Variants in CCDC171 observed in about 807,000 individuals in gnomAD.
CCDC171 encodes coiled-coil domain-containing protein 171.
A neutral mutation model predicts 168.2 loss-of-function variants in CCDC171; 177 were observed. That is an observed-to-expected ratio of 1.05 (90% CI 0.93 to 1.19). CCDC171 has a LOEUF of 1.19. Among genes scored for constraint, CCDC171 ranks in the 50% most tolerant of loss-of-function variants. The pLI, the probability that CCDC171 is intolerant of heterozygous loss-of-function variation, is 0.00. For synonymous variants in CCDC171, 687 were observed against 540.8 expected (o/e 1.27, Z -3.75); for missense variants, 1,991 against 1,539.0 (o/e 1.29, Z -4.91).
chr9:15,679,149 A>G (rs1221984541), intron 10 of CCDC171, among the ~76,000 whole-genome samples: 1 of 152,174 alleles, frequency 6.6e-6, no homozygotes, highest in Non-Finnish European at 1.5e-5. Context: ...TCAAAAATGT[A>G]TTCAAATGTT....
intron 21 of CCDC171, among the ~76,000 whole-genome samples, chr9:15,825,712 G>A (rs534156968): frequency 1.1e-4 from 16 of 152,116 alleles, no homozygotes; most frequent in Middle Eastern, 3.4e-3. Context: ...GAAGAAAATT[G>A]GTTAAAATAT....
intron 11 of CCDC171, among the ~76,000 whole-genome samples, chr9:15,716,927 G>A (rs2053127560): frequency 6.6e-6 from 1 of 152,154 alleles, no homozygotes; most frequent in Non-Finnish European, 1.5e-5. Flanking sequence ...TGGAGGCTGA[G>A]CAAGATGGCT....
At chr9:15,979,641 A>C (rs1831731069) in intron 3 of CCDC171, among the ~76,000 whole-genome samples, 2 of 151,832 alleles carry the variant, frequency 1.3e-5, no homozygotes, top group African/African-American at 4.8e-5. Context: ...GATAAATCTC[A>C]CTTGGTCATG....
intron 1 of CCDC171, among the ~76,000 whole-genome samples, chr9:16,059,785 ATTACAGGC>A: frequency 4.0e-5 from 6 of 150,782 alleles, no homozygotes; most frequent in Non-Finnish European, 8.9e-5. Flanking sequence ...AAGTGCTGGG[ATTACAGGC>A]GTGAGCCACC....
At chr9:15,922,937 G>A (rs1435128214) in intron 25 of CCDC171, among the ~76,000 whole-genome samples, 5 of 151,328 alleles carry the variant, frequency 3.3e-5, no homozygotes, top group African/African-American at 1.2e-4. Flanking sequence ...TATTGTTAGA[G>A]GTCCTTACTT....
chr9:16,041,654 A>G (rs1156740772), upstream of CCDC171, among the ~76,000 whole-genome samples: 1 of 152,230 alleles, frequency 6.6e-6, no homozygotes, highest in East Asian at 1.9e-4. Context: ...GATTGGATTA[A>G]TTAAATATGA....
At position 15,965,835 on chromosome 9, in the gene CCDC171, A is replaced by G. The variant is rs906728253; in HGVS notation, c.3754-5774A>G. On this transcript the variant is annotated intron_variant, in intron 25 of 25. Coordinates refer to ENST00000380701, the MANE Select transcript of CCDC171 (RefSeq NM_173550.4). ...TTGTCAAGGATCACATAATTAGTAA[A>G]TGGCAGAATGAAGTTTAGAACCTTA... 3.3e-5 allele frequency among the ~76,000 whole-genome samples: 5 copies of G among 152,352 alleles called. No homozygotes were observed. In the South Asian group the frequency reaches 6.2e-4, roughly 19 times the overall value.
intron 3 of CCDC171, among the ~76,000 whole-genome samples, chr9:15,985,254 A>T (rs1289166840): frequency 6.6e-6 from 1 of 152,114 alleles, no homozygotes; most frequent in Non-Finnish European, 1.5e-5. Context: ...CCAAGTGAAA[A>T]GGTTTTTTTT....
intron 25 of CCDC171, among the ~76,000 whole-genome samples, chr9:15,946,020 C>T (rs983775632): frequency 9.9e-5 from 15 of 151,504 alleles, no homozygotes; most frequent in African/African-American, 2.4e-4. Flanking sequence ...TTAGGTCTAT[C>T]GTTTAAGTCT....
chr9:15,598,106 G>T (rs937906115), intron 6 of CCDC171, among the ~76,000 whole-genome samples: 1 of 152,016 alleles, frequency 6.6e-6, no homozygotes, highest in Non-Finnish European at 1.5e-5. Flanking sequence ...CCACCTCCTG[G>T]ATTCATTGAT....
At chr9:15,796,790 C>A (rs2058577771) in intron 21 of CCDC171, among the ~76,000 whole-genome samples, 2 of 152,126 alleles carry the variant, frequency 1.3e-5, no homozygotes, top group South Asian at 4.1e-4. Flanking sequence ...TGGCAGGGTG[C>A]AAGATGGGCC....
chr9:15,678,144 C>G (rs770280490), intron 9 of CCDC171, among the ~76,000 whole-genome samples: 2 of 151,342 alleles, frequency 1.3e-5, no homozygotes, highest in Non-Finnish European at 1.5e-5. Context: ...CTCCTGACTT[C>G]AAATGATCTT....
At chr9:15,809,731 C>T (rs1040500919) in intron 21 of CCDC171, among the ~76,000 whole-genome samples, 1 of 152,142 alleles carries the variant, frequency 6.6e-6, no homozygotes, top group Admixed American at 6.5e-5. Flanking sequence ...AAAGGCAGTG[C>T]GGACCCAAAG....
At chr9:15,619,946 G>C (rs1343527753) in intron 6 of CCDC171, among the ~76,000 whole-genome samples, 1 of 152,088 alleles carries the variant, frequency 6.6e-6, no homozygotes, top group African/African-American at 2.4e-5. Flanking sequence ...CTCTATAAAT[G>C]GGACAACAAA....
intron 21 of CCDC171, among the ~76,000 whole-genome samples, chr9:15,844,721 G>T (rs1041535556): frequency 8.5e-5 from 13 of 152,144 alleles, no homozygotes; most frequent in Admixed American, 2.6e-4. Context: ...CCTGAGACAT[G>T]AAAATGAAAG....
intron 10 of CCDC171, among the ~76,000 whole-genome samples, chr9:15,687,719 T>A (rs1363040963): frequency 2.0e-5 from 3 of 151,988 alleles, no homozygotes; most frequent in Non-Finnish European, 2.9e-5. Context: ...CACGCAGAAA[T>A]AGAAATAATT....
At chr9:15,957,018 C>T (rs1028610399) in intron 25 of CCDC171, among the ~76,000 whole-genome samples, 1 of 143,514 alleles carries the variant, frequency 7.0e-6, no homozygotes, top group East Asian at 2.0e-4. Flanking sequence ...TAACTTTAAT[C>T]ATCTAGAAGT....
chr9:15,642,409 G>A (rs760417987), intron 7 of CCDC171, among the ~76,000 whole-genome samples: 17 of 126,946 alleles, frequency 1.3e-4, no homozygotes, highest in South Asian at 7.2e-4. Flanking sequence ...ATTTTGTTCC[G>A]CTTTCTGCCC....
chr9:15,736,766 C>T (rs1032532512), intron 16 of CCDC171, among the ~76,000 whole-genome samples: 2 of 151,964 alleles, frequency 1.3e-5, no homozygotes, highest in Non-Finnish European at 2.9e-5. Flanking sequence ...GCCTTGACCT[C>T]CTGGGCTCAG....
Sources: gnomAD v4.1 joint callset for allele counts (sites outside exome capture counted in the v4.1 genomes callset) on GRCh38, gnomAD v4.1.1 for gene constraint, MANE v1.5 for transcripts, NCBI Gene and HGNC (gene_info 2026-07-23, HGNC 2026-07-21) for gene names.